PCDH15: variants seen among roughly 807,000 people sequenced by gnomAD.
The protein encoded by PCDH15 is protocadherin-15.
In PCDH15, 129 loss-of-function variants were observed where a neutral mutation model predicts 178.5. That is an observed-to-expected ratio of 0.72 (90% CI 0.63 to 0.84). The LOEUF is 0.84. Among genes scored for constraint, PCDH15 ranks in the 40% least tolerant of loss-of-function variants. The pLI is 0.00. For missense variants in PCDH15, 2,230 were observed against 2,099.9 expected (o/e 1.06, Z -1.21); for synonymous variants, 800 against 732.0 (o/e 1.09, Z -1.50).
intron 9 of PCDH15, among the ~76,000 whole-genome samples, chr10:54,230,369 CA>C (rs901070718): frequency 1.3e-5 from 2 of 151,574 alleles, no homozygotes; most frequent in African/African-American, 4.8e-5. Flanking sequence ...AAAATATAAA[CA>C]AAAAATAAGA....
intron 2 of PCDH15, among the ~76,000 whole-genome samples, chr10:54,936,055 C>A (rs1332381217): frequency 6.6e-6 from 1 of 151,936 alleles, no homozygotes; most frequent in Non-Finnish European, 1.5e-5. Flanking sequence ...CCCCTCAATA[C>A]CCTCAGTTCT....
chr10:55,400,393 C>A (rs1405122981), intron 2 of PCDH15, among the ~76,000 whole-genome samples: 1 of 152,128 alleles, frequency 6.6e-6, no homozygotes, highest in African/African-American at 2.4e-5. Context: ...CACTAAAGGT[C>A]ATGTGATTGT....
intron 1 of PCDH15, among the ~76,000 whole-genome samples, chr10:55,172,845 A>T (rs1469631423): frequency 6.6e-6 from 1 of 151,892 alleles, no homozygotes. Flanking sequence ...TTTCTTTTAG[A>T]TTGTCTCTGC....
At chr10:55,551,928 A>G (rs1265820686) in intron 2 of PCDH15, among the ~76,000 whole-genome samples, 1 of 151,766 alleles carries the variant, frequency 6.6e-6, no homozygotes, top group Admixed American at 6.6e-5. Flanking sequence ...TCTAAGTGTA[A>G]AATTTAGCAT....
chr10:54,920,024 T>C (rs1186238076), intron 2 of PCDH15, among the ~76,000 whole-genome samples: 2 of 152,188 alleles, frequency 1.3e-5, no homozygotes, highest in Admixed American at 6.5e-5. Flanking sequence ...GGGGGACATG[T>C]ATTTATTCTT....
chr10:53,942,054 A>G (rs745474484), intron 23 of PCDH15, among the ~76,000 whole-genome samples: 2 of 152,160 alleles, frequency 1.3e-5, no homozygotes, highest in Non-Finnish European at 2.9e-5. Context: ...TCTGGTCCAA[A>G]TTGCTTTGTT....
At chr10:54,731,644 T>C (rs1257206282) in intron 1 of PCDH15, among the ~76,000 whole-genome samples, 1 of 148,806 alleles carries the variant, frequency 6.7e-6, no homozygotes, top group Non-Finnish European at 1.5e-5. Flanking sequence ...TGAAATCCTG[T>C]CATTTGTAGC....
chr10:54,557,388 T>C (rs2133295049), intron 2 of PCDH15, among the ~76,000 whole-genome samples: 1 of 152,316 alleles, frequency 6.6e-6, no homozygotes, highest in East Asian at 1.9e-4. Context: ...TGGTGCCTAA[T>C]ATTACTCATG....
chr10:54,608,661 AG>A (rs1357712639), intron 2 of PCDH15, among the ~76,000 whole-genome samples: 9 of 152,038 alleles, frequency 5.9e-5, no homozygotes, highest in African/African-American at 1.9e-4. Flanking sequence ...GATGTGACTT[AG>A]TCTGGTAATA....
intron 25 of PCDH15, among the ~76,000 whole-genome samples, chr10:53,922,042 T>G (rs1400869493): frequency 6.6e-6 from 1 of 152,178 alleles, no homozygotes; most frequent in Non-Finnish European, 1.5e-5. Context: ...ATTTTAATTT[T>G]TTTTTGAAGA....
chr10:54,341,247 T>C (rs559382520), intron 6 of PCDH15, among the ~76,000 whole-genome samples: 1 of 152,028 alleles, frequency 6.6e-6, no homozygotes, highest in East Asian at 1.9e-4. Context: ...GTAATCCCCA[T>C]GTATTGAGGG....
chr10:54,078,115 G>T (rs1377204082), intron 17 of PCDH15, among the ~76,000 whole-genome samples: 1 of 151,838 alleles, frequency 6.6e-6, no homozygotes, highest in Non-Finnish European at 1.5e-5. Context: ...ATTAGCCATA[G>T]GTTTTATTTA....
At chr10:55,122,001 T>A (rs1837784781) in intron 2 of PCDH15, among the ~76,000 whole-genome samples, 1 of 152,170 alleles carries the variant, frequency 6.6e-6, no homozygotes, top group Admixed American at 6.6e-5. Flanking sequence ...GACTTTCATT[T>A]TCTCAGTGAA....
intron 2 of PCDH15, among the ~76,000 whole-genome samples, chr10:55,371,848 A>T (rs1020805066): frequency 1.3e-5 from 2 of 152,142 alleles, no homozygotes; most frequent in African/African-American, 2.4e-5. Flanking sequence ...AATGGAAAAA[A>T]ATTTAATCAG....
chr10:54,521,163 G>T lies in PCDH15; in HGVS notation c.157+6649C>A, dbSNP rs2082821291. On this transcript the variant is annotated intron_variant, in intron 3 of 37. Transcript: ENST00000644397. ...ACCAACATGGCACATGTATACATATGTAACAAACCTGCACATTGTGCACAT... is the reference window on the plus strand; with the variant it reads ...ACCAACATGGCACATGTATACATATTTAACAAACCTGCACATTGTGCACAT... Among the ~76,000 whole-genome samples, 6 of 152,000 alleles carry T rather than the reference G, an allele frequency of 3.9e-5. No individual in the cohort carries two copies. The South Asian group carries it at 1.0e-3, about 26-fold the overall frequency.
chr10:55,360,006 C>T (rs1177663118), intron 2 of PCDH15, among the ~76,000 whole-genome samples: 1 of 151,566 alleles, frequency 6.6e-6, no homozygotes, highest in Non-Finnish European at 1.5e-5. Context: ...GGAATGAAGA[C>T]ACATTGGTTA....
intron 2 of PCDH15, among the ~76,000 whole-genome samples, chr10:55,558,645 A>G (rs61851705): frequency 4.3e-4 from 65 of 152,168 alleles, no homozygotes; most frequent in Non-Finnish European, 6.8e-4. Context: ...TACAATTTTT[A>G]AACCAAACAC....
At chr10:54,360,230 C>A (rs920914683) in intron 5 of PCDH15, among the ~76,000 whole-genome samples, 2 of 152,054 alleles carry the variant, frequency 1.3e-5, no homozygotes, top group Non-Finnish European at 2.9e-5. Flanking sequence ...GATTGTCTAA[C>A]CAACCACCTG....
chr10:55,579,737 C>T (rs1842568211), intron 2 of PCDH15, among the ~76,000 whole-genome samples: 2 of 152,178 alleles, frequency 1.3e-5, no homozygotes, highest in African/African-American at 4.8e-5. Flanking sequence ...ACCAATGTCC[C>T]TTTGCCCTCA....
Sources: allele counts gnomAD v4.1 joint callset (sites outside exome capture counted in the v4.1 genomes callset), GRCh38; gene constraint gnomAD v4.1.1; transcripts MANE v1.5; gene names NCBI Gene and HGNC (gene_info 2026-07-23, HGNC 2026-07-21).